Variants in BROX observed in about 807,000 individuals in gnomAD.
BROX encodes BRO1 domain-containing protein BROX.
Under a neutral mutation model 61.0 loss-of-function variants are expected in BROX, and 53 were observed. That is an observed-to-expected ratio of 0.87 (90% CI 0.70 to 1.09). BROX has a LOEUF of 1.09. BROX is among the 50% of genes least tolerant of loss of function. The pLI is 0.00. For missense variants in BROX, 489 were observed against 472.0 expected (o/e 1.04, Z -0.33); for synonymous variants, 152 against 160.2 (o/e 0.95, Z 0.38).
intron 3 of BROX, 42 bp downstream of exon 3, chr1:222,719,073 C>A: frequency 6.6e-7 from 1 of 1,515,434 alleles, no homozygotes; most frequent in Non-Finnish European, 9.1e-7. Flanking sequence ...AAAAAACTGT[C>A]TAAAAGTTTA....
At chr1:222,728,258 A>G (rs1657658100) in intron 8 of BROX, among the ~76,000 whole-genome samples, 1 of 152,188 alleles carries the variant, frequency 6.6e-6, no homozygotes, top group African/African-American at 2.4e-5. Context: ...AAATACAGCA[A>G]CGTAGCAAAT....
intron 1 of BROX, chr1:222,713,228 T>C (rs1433718515): frequency 1.0e-6 from 1 of 986,296 alleles, no homozygotes; most frequent in Non-Finnish European, 1.2e-6. Context: ...GTTCGGCCGT[T>C]GTCTGGCCAC....
Position 222,722,482 on chromosome 1 carries a change from C to G in BROX, c.369C>G (p.Thr123=). ...GATTTAATGTAGCTTTATGGTATAC[C>G]AAATATGCTTCAAGACTGGCTGGAA... The part of the protein sequence containing the change: ...SMGFNVALWY[T]KYASRLAGKE... The change falls in exon 5 of 13, where the codon ACC becomes ACG. Residue 123 remains threonine, a synonymous_variant. Transcript: ENST00000340934. 10 of 1,612,810 alleles carry G rather than the reference C, an allele frequency of 6.2e-6. No individual in the cohort carries two copies. Among genetic ancestry groups the G allele is most frequent in the Non-Finnish European group, 8.5e-6 (10 of 1,179,094 alleles).
intron 9 of BROX, 73 bp from the exon 10 acceptor site, chr1:222,729,547 A>G: frequency 1.7e-6 from 2 of 1,161,076 alleles, no homozygotes; most frequent in East Asian, 4.9e-5. Context: ...AATTTATCTG[A>G]TAGATACATA....
intron 4 of BROX, among the ~76,000 whole-genome samples, chr1:222,720,849 A>C (rs1657044265): frequency 6.6e-6 from 1 of 152,200 alleles, no homozygotes; most frequent in Non-Finnish European, 1.5e-5. Context: ...GCTACTATTT[A>C]ACCTTTTTTC....
chr1:222,724,389 A>G (rs1456651636), intron 6 of BROX, among the ~76,000 whole-genome samples: 1 of 152,236 alleles, frequency 6.6e-6, no homozygotes, highest in East Asian at 1.9e-4. Flanking sequence ...TACAATTAGA[A>G]AACTTAAGTT....
rs1656133997 is a variant in BROX at position 222,712,609 on chromosome 1, T to C, written c.-350T>C. 1 of 1,344,942 alleles carries C rather than the reference T, an allele frequency of 7.4e-7. No individual in the cohort carries two copies. The highest frequency in any genetic ancestry group is 1.4e-5 in the South Asian group (1 of 72,098). The allele number at this position is 1,344,942 out of a possible 1,614,324, so 83.3% of individuals were successfully genotyped here. A position where few individuals can be genotyped will look rare whatever the true frequency, so the allele number is the denominator to read the frequency against. On this transcript the variant is annotated 5_prime_UTR_variant, in exon 1 of 13. Transcript: ENST00000340934. ...CGCTATTGCGGCATTCTCCCTCGGC[T>C]CCGGAGGTAGGGGCAACTCTTCTCT...
At position 222,730,169 on chromosome 1, in the gene BROX, T is replaced by G. The variant is rs752823977; in HGVS notation, c.981T>G (p.Asn327Lys). Residue 327 changes from asparagine to lysine, a missense_variant, in exon 11 of 13, where the codon AAT becomes AAG. Physicochemically the swap from Asn to Lys is moderately conservative, Grantham distance 94. Transcript: ENST00000340934. ...KNTLEKCQRE[N>K]GFIYFQKIPT... Reference sequence around the variant, plus strand: ...CCCTAGAAAAATGTCAGAGAGAAAATGGATTTATGTGAGTACAGTTTAATA... The same window carrying G: ...CCCTAGAAAAATGTCAGAGAGAAAAGGGATTTATGTGAGTACAGTTTAATA... 4 of 1,601,626 alleles carry G rather than the reference T, an allele frequency of 2.5e-6. No individual in the cohort carries two copies. Among genetic ancestry groups the G allele is most frequent in the South Asian group, 2.2e-5 (2 of 89,848 alleles).
chr1:222,718,816 T>C lies in BROX; in HGVS notation c.102-109T>C. The C allele has an allele frequency of 3.8e-6, 3 of 793,780 alleles. No homozygotes were observed. The South Asian group carries it at 4.6e-5, about 12-fold the overall frequency. 49.2% of individuals were successfully genotyped at this position (793,780 alleles called of 1,614,324 possible). A position where few individuals can be genotyped will look rare whatever the true frequency, so the allele number is the denominator to read the frequency against. On this transcript the variant is annotated intron_variant, in intron 2 of 12. Coordinates refer to ENST00000340934, the MANE Select transcript of BROX (RefSeq NM_144695.4). ...CTTTTACATTGAAACCTGGTGCGTGTGTGTATGTGTGTGTGTTTTAAAGCT... is the reference window on the plus strand; with the variant it reads ...CTTTTACATTGAAACCTGGTGCGTGCGTGTATGTGTGTGTGTTTTAAAGCT...
In BROX at chr1:222,715,744, T is replaced by C; in HGVS notation, c.45T>C (p.Pro15=). 6.3e-7 allele frequency: 1 copy of C among 1,597,376 alleles called. No individual in the cohort carries two copies. Among genetic ancestry groups the C allele is most frequent in the Non-Finnish European group, 8.5e-7 (1 of 1,170,682 alleles). Residue 15 remains proline, a synonymous_variant, in exon 2 of 13, where the codon CCT becomes CCC. Coordinates refer to ENST00000340934, the MANE Select transcript of BROX (RefSeq NM_144695.4). ...FHRNPLKATA[P]VSFNYYGVVT... is the part of the protein sequence containing the mutation. Reference sequence around the variant, plus strand: ...GGAACCCATTAAAAGCCACAGCTCCTGTGTCTTTTAATTACTATGGTGTAG... The same window carrying C: ...GGAACCCATTAAAAGCCACAGCTCCCGTGTCTTTTAATTACTATGGTGTAG...
chr1:222,731,538 T>C (rs537790409), intron 12 of BROX, 22 bp downstream of exon 12: 29 of 1,565,694 alleles, frequency 1.9e-5, no homozygotes, highest in Admixed American at 1.1e-4. Flanking sequence ...TTTTTTTTTT[T>C]CCCTCTCATT....
intron 10 of BROX, 152 bp downstream of exon 10, chr1:222,729,853 A>G: frequency 1.9e-6 from 2 of 1,063,140 alleles, no homozygotes; most frequent in South Asian, 1.7e-5. Flanking sequence ...AATGTTTCAG[A>G]AACCTAGAAC....
chr1:222,713,417 G>T, intron 1 of BROX: 1 of 985,524 alleles, frequency 1.0e-6, no homozygotes, highest in Non-Finnish European at 1.2e-6. Context: ...CGGCGCTCAG[G>T]TAGGTTCCTC....
intron 7 of BROX, 124 bp downstream of exon 7, chr1:222,725,679 G>T (rs962987928): frequency 6.3e-5 from 41 of 649,404 alleles, no homozygotes; most frequent in Non-Finnish European, 9.3e-5. Context: ...GGAGGTCTAG[G>T]TGGGCAGCTC....
chr1:222,727,472 TA>T lies in BROX; in HGVS notation c.670+216del, dbSNP rs1320820635. Among the ~76,000 whole-genome samples, 5 of 152,226 alleles carry T rather than the reference TA, an allele frequency of 3.3e-5. No individual in the cohort carries two copies. In the East Asian group the frequency reaches 7.7e-4, roughly 23 times the overall value. On this transcript the variant is annotated intron_variant, in intron 8 of 12. Transcript: ENST00000340934. ...GAAAACCAGTGATGTCTCATAAAATTATACAGCTTTTTTGCTTAAAATTTTT... is the reference window on the plus strand; with the variant it reads ...GAAAACCAGTGATGTCTCATAAAATTTACAGCTTTTTTGCTTAAAATTTTT...
At position 222,712,584 on chromosome 1, in the gene BROX, C is replaced by G. The variant is rs1338977707; in HGVS notation, c.-375C>G. On this transcript the variant is annotated 5_prime_UTR_variant, in exon 1 of 13. In the 5' UTR this introduces an upstream ATG that the reference lacks. Transcript: ENST00000340934. ...GCCCCACTGCGCCGAGGGCCGCCAT[C>G]GCTATTGCGGCATTCTCCCTCGGCT... 3.7e-6 allele frequency: 5 copies of G among 1,364,668 alleles called. No homozygotes were observed. The highest frequency in any genetic ancestry group is 4.8e-6 in the Non-Finnish European group (5 of 1,049,906). The allele number at this position is 1,364,668 out of a possible 1,614,324, so 84.5% of individuals were successfully genotyped here.
At chr1:222,724,273 G>C (rs1433629622) in intron 6 of BROX, 109 bp downstream of exon 6, 5 of 857,444 alleles carry the variant, frequency 5.8e-6, no homozygotes, top group Middle Eastern at 3.3e-4. Flanking sequence ...ATTAAAAAAG[G>C]TACTATGTGT....
At chr1:222,724,798 G>A (rs1657378337) in intron 6 of BROX, among the ~76,000 whole-genome samples, 1 of 151,766 alleles carries the variant, frequency 6.6e-6, no homozygotes, top group Non-Finnish European at 1.5e-5. Context: ...AATTGTAGTG[G>A]GGTTTTTTTT....
intron 1 of BROX, 53 bp from the exon 2 acceptor site, chr1:222,715,631 T>C (rs1414843351): frequency 2.7e-5 from 20 of 744,734 alleles, no homozygotes; most frequent in Non-Finnish European, 3.8e-5. Context: ...TTACCTTGTT[T>C]ATTAAATATT....
Sources: gnomAD v4.1 joint callset for allele counts (sites outside exome capture counted in the v4.1 genomes callset) on GRCh38, gnomAD v4.1.1 for gene constraint, MANE v1.5 for transcripts, NCBI Gene and HGNC (gene_info 2026-07-23, HGNC 2026-07-21) for gene names.